Variants in IRAG1 observed in about 807,000 individuals in gnomAD.
The protein encoded by IRAG1 is inositol 1,4,5-triphosphate receptor associated 1, also known as IP3R-associated cGMP kinase substrate.
Under a neutral mutation model 106.2 loss-of-function variants are expected in IRAG1, and 62 were observed. That is an observed-to-expected ratio of 0.58 (90% CI 0.48 to 0.72). The LOEUF is 0.72. IRAG1 is among the 30% of genes least tolerant of loss of function. The pLI is 0.00. For synonymous variants in IRAG1, 462 were observed against 443.9 expected (o/e 1.04, Z -0.51); for missense variants, 1,064 against 1,140.7 (o/e 0.93, Z 0.97).
At position 10,626,172 on chromosome 11, in the gene IRAG1, G is replaced by A; in HGVS notation, c.1162C>T (p.Pro388Ser). Residue 388 changes from proline to serine, a missense_variant, in exon 9 of 21, where the codon CCG becomes TCG. Coordinates refer to ENST00000423302, the MANE Select transcript of IRAG1 (RefSeq NM_130385.4). The part of the protein sequence containing the change: ...AELPPTVSRP[P>S]LLRGLSWDSG... ...TCCCAGGAGAGCCCTCGCAGCAGCG[G>A]GGGCCGGGACACAGTGGGTGGAAGC... The A allele has an allele frequency of 6.5e-7, 1 of 1,544,128 alleles. No homozygotes were observed. The highest frequency in any genetic ancestry group is 8.7e-7 in the Non-Finnish European group (1 of 1,144,724).
At chr11:10,632,920 C>G (rs1856813041) in intron 3 of IRAG1, among the ~76,000 whole-genome samples, 1 of 152,196 alleles carries the variant, frequency 6.6e-6, no homozygotes, top group South Asian at 2.1e-4. Flanking sequence ...ACTTTCCTCC[C>G]CACTGATGAT....
At chr11:10,682,932 T>G (rs1241770746) in intron 1 of IRAG1, among the ~76,000 whole-genome samples, 1 of 152,204 alleles carries the variant, frequency 6.6e-6, no homozygotes, top group Non-Finnish European at 1.5e-5. Flanking sequence ...TTCAAGAACT[T>G]AGAGACCAGG....
At chr11:10,586,519 G>A (rs768533454) in intron 18 of IRAG1, among the ~76,000 whole-genome samples, 13 of 151,648 alleles carry the variant, frequency 8.6e-5, no homozygotes, top group Non-Finnish European at 1.5e-4. Flanking sequence ...CCAGGTTCAA[G>A]CGATTCTCCT....
chr11:10,642,753 C>T (rs1032341380), intron 2 of IRAG1, among the ~76,000 whole-genome samples: 7 of 152,188 alleles, frequency 4.6e-5, no homozygotes, highest in South Asian at 2.1e-4. Context: ...GTGGTGGGTG[C>T]GTGCTGTGAG....
intron 1 of IRAG1, among the ~76,000 whole-genome samples, chr11:10,656,277 G>A (rs995600480): frequency 6.6e-6 from 1 of 152,198 alleles, no homozygotes; most frequent in Non-Finnish European, 1.5e-5. Flanking sequence ...AAAGGGTTAG[G>A]TAGGCCAGTG....
intron 12 of IRAG1, among the ~76,000 whole-genome samples, chr11:10,604,819 C>T (rs1241050664): frequency 2.6e-5 from 4 of 152,200 alleles, no homozygotes; most frequent in Non-Finnish European, 4.4e-5. Flanking sequence ...TTGCTTTTTC[C>T]TGAATTTTAA....
chr11:10,649,662 C>T (rs2134870276), intron 2 of IRAG1, among the ~76,000 whole-genome samples: 1 of 152,260 alleles, frequency 6.6e-6, no homozygotes, highest in South Asian at 2.1e-4. Flanking sequence ...GCCTTCCTAA[C>T]CATCACAGCT....
chr11:10,600,800 G>A (rs1853911722), intron 15 of IRAG1, 118 bp downstream of exon 15: 1 of 1,336,026 alleles, frequency 7.5e-7, no homozygotes, highest in Non-Finnish European at 1.0e-6. Context: ...GCACTAGACA[G>A]GAGTGCTGCT....
In IRAG1 at chr11:10,627,959, G is replaced by T. The variant is rs746011822; in HGVS notation, c.705+14C>A. 1.9e-6 allele frequency: 3 copies of T among 1,600,308 alleles called. No individual in the cohort carries two copies. The East Asian group carries it at 6.7e-5, about 36-fold the overall frequency. The stretch of plus-strand genomic sequence containing the variant: ...TGGCATAGAAACAGCACAGCAGGTG[G>T]GGGGTCCTGTCACCTGTGGTGGTGC... On this transcript the variant is annotated intron_variant, in intron 7 of 20. Transcript: ENST00000423302.
intron 17 of IRAG1, 87 bp from the exon 18 acceptor site, chr11:10,591,699 C>G: frequency 1.7e-6 from 2 of 1,205,614 alleles, no homozygotes; most frequent in Non-Finnish European, 2.4e-6. Context: ...ATGCTGGGAG[C>G]GGGGCTGCTG....
At chr11:10,687,882 G>T (rs1053960891) in intron 1 of IRAG1, 6 of 1,051,780 alleles carry the variant, frequency 5.7e-6, no homozygotes, top group Non-Finnish European at 5.0e-6. Flanking sequence ...TTTTTGGGGG[G>T]GGGTGGTATT....
At position 10,626,570 on chromosome 11, in the gene IRAG1, C is replaced by G. The variant is rs745410329; in HGVS notation, c.764G>C (p.Gly255Ala). ...GTCATTCTGCTTCCTGTCAGCTAGC[C>G]CTTTGGGGACGTTCTGAAAAAGACA... Reference protein sequence around the residue: ...PHPGEPNVPKGLADRKQNDQR... With the variant: ...PHPGEPNVPKALADRKQNDQR... Residue 255 changes from glycine (G) to alanine (A), a missense_variant, in exon 9 of 21, where the codon GGG becomes GCG. Gly to Ala is a moderately conservative substitution (Grantham distance 60). Transcript: ENST00000423302. 3 of 1,603,198 alleles carry G rather than the reference C, an allele frequency of 1.9e-6. No individual in the cohort carries two copies. In the African/African-American group the frequency reaches 4.0e-5, roughly 22 times the overall value.
At chr11:10,637,221 G>A (rs1158802194) in intron 2 of IRAG1, among the ~76,000 whole-genome samples, 1 of 152,176 alleles carries the variant, frequency 6.6e-6, no homozygotes, top group Non-Finnish European at 1.5e-5. Context: ...GGAGCTCCCT[G>A]GTAAATAGGA....
chr11:10,632,831 A>G (rs1591642018), intron 3 of IRAG1, among the ~76,000 whole-genome samples: 1 of 152,236 alleles, frequency 6.6e-6, no homozygotes, highest in African/African-American at 2.4e-5. Context: ...TCTGTTTGGG[A>G]AAAAAGACAA....
At chr11:10,663,869 T>C (rs898193271) in intron 1 of IRAG1, among the ~76,000 whole-genome samples, 59 of 152,124 alleles carry the variant, frequency 3.9e-4, no homozygotes, top group Admixed American at 6.5e-5. Context: ...TACTTGTCCA[T>C]TTTACAGATG....
rs888335716 is a variant in IRAG1 at position 10,601,150 on chromosome 11, G to T, written c.1876-91C>A. 24 of 1,519,492 alleles carry T rather than the reference G, an allele frequency of 1.6e-5. No individual in the cohort carries two copies. The African/African-American group carries it at 3.3e-4, about 21-fold the overall frequency. The allele number at this position is 1,519,492 out of a possible 1,614,324, so 94.1% of individuals were successfully genotyped here. ...CTCTGACCTAGGGTCTGGGCTAGGA[G>T]AATCAAAAGGATACAGGGACAAGAC... On this transcript the variant is annotated intron_variant, in intron 14 of 20. Coordinates refer to ENST00000423302, the MANE Select transcript of IRAG1 (RefSeq NM_130385.4).
At position 10,626,063 on chromosome 11, in the gene IRAG1, C is replaced by A. The variant is rs1468480653; in HGVS notation, c.1271G>T (p.Gly424Val). The A allele has an allele frequency of 2.0e-6, 3 of 1,528,776 alleles. No individual in the cohort carries two copies. The Admixed American group carries it at 6.6e-5, about 33-fold the overall frequency. The allele number at this position is 1,528,776 out of a possible 1,614,324, so 94.7% of individuals were successfully genotyped here. ...PLAEEEKRFA[G>V]KAGGKLAKAP... ...CTTGGCCAGCTTGCCGCCGGCCTTG[C>A]CTGCAAAACGCTTTTCTTCCTCTGC... Residue 424 changes from glycine (G) to valine (V), a missense_variant, in exon 9 of 21, where the codon GGC becomes GTC. Physicochemically the swap from Gly to Val is moderately radical, Grantham distance 109. Coordinates refer to ENST00000423302, the MANE Select transcript of IRAG1 (RefSeq NM_130385.4).
chr11:10,680,100 C>CT (rs1861027617), intron 1 of IRAG1, among the ~76,000 whole-genome samples: 2 of 151,746 alleles, frequency 1.3e-5, no homozygotes, highest in Admixed American at 6.6e-5. Flanking sequence ...ATGGTGAAAC[C>CT]TGTCTCTACT....
intron 5 of IRAG1, among the ~76,000 whole-genome samples, chr11:10,629,085 A>C (rs972752696): frequency 6.6e-6 from 1 of 151,990 alleles, no homozygotes; most frequent in African/African-American, 2.4e-5. Context: ...GCCTGACCTC[A>C]AGGCACTGTC....
Sources: allele counts gnomAD v4.1 joint callset (sites outside exome capture counted in the v4.1 genomes callset), GRCh38; gene constraint gnomAD v4.1.1; transcripts MANE v1.5; gene names NCBI Gene and HGNC (gene_info 2026-07-23, HGNC 2026-07-21).